LARGE1: variants seen among roughly 807,000 people sequenced by gnomAD.
The protein encoded by LARGE1 is LARGE xylosyl- and glucuronyltransferase 1.
LARGE1 carries 43 observed loss-of-function variants against 87.6 expected under a neutral mutation model. That is an observed-to-expected ratio of 0.49 (90% CI 0.38 to 0.63). LARGE1 has a LOEUF of 0.63. Ranked by LOEUF, LARGE1 falls within the 30% of genes least tolerant of loss-of-function variation. The pLI, the probability that LARGE1 is intolerant of heterozygous loss-of-function variation, is 0.00. For synonymous variants in LARGE1, 434 were observed against 394.6 expected (o/e 1.10, Z -1.18); for missense variants, 802 against 1,000.2 (o/e 0.80, Z 2.67).
intron 1 of LARGE1, among the ~76,000 whole-genome samples, chr22:33,853,167 G>A (rs2146523256): frequency 6.6e-6 from 1 of 152,270 alleles, no homozygotes; most frequent in South Asian, 2.1e-4. Flanking sequence ...GAGAGGTCTA[G>A]GAACTTGTCC....
At chr22:33,429,015 A>T (rs912495294) in intron 7 of LARGE1, among the ~76,000 whole-genome samples, 1 of 151,398 alleles carries the variant, frequency 6.6e-6, no homozygotes, top group Non-Finnish European at 1.5e-5. Context: ...GCATAAGAAG[A>T]CTAAATGACT....
chr22:33,671,290 G>C (rs2081404206), intron 2 of LARGE1, among the ~76,000 whole-genome samples: 1 of 152,198 alleles, frequency 6.6e-6, no homozygotes, highest in African/African-American at 2.4e-5. Context: ...CTATCATGCA[G>C]ATACCACACT....
chr22:33,141,907 A>AT, the LARGE1 span, among the ~76,000 whole-genome samples: 1 of 152,140 alleles, frequency 6.6e-6, no homozygotes, highest in Non-Finnish European at 1.5e-5. Flanking sequence ...CATATTCTAC[A>AT]TTTTTTATAT....
chr22:33,386,758 T>C (rs2065338474), intron 7 of LARGE1, among the ~76,000 whole-genome samples: 1 of 148,786 alleles, frequency 6.7e-6, no homozygotes, highest in African/African-American at 2.4e-5. Context: ...CAAGAGAATA[T>C]AGTGATGTAA....
At chr22:33,076,793 CTCTT>C in the LARGE1 span, among the ~76,000 whole-genome samples, 875 of 152,278 alleles carry the variant, frequency 5.7e-3, 16 homozygotes, top group East Asian at 0.083. Flanking sequence ...TTTTGAGAGA[CTCTT>C]TCTTCTTTAG....
intron 1 of LARGE1, among the ~76,000 whole-genome samples, chr22:33,861,352 G>A (rs937176099): frequency 2.0e-5 from 3 of 151,814 alleles, no homozygotes; most frequent in Non-Finnish European, 4.4e-5. Flanking sequence ...ACTGCAACTC[G>A]GCTAGCTGTT....
chr22:33,521,953 C>T (rs2071622165), intron 6 of LARGE1, among the ~76,000 whole-genome samples: 1 of 152,258 alleles, frequency 6.6e-6, no homozygotes, highest in Non-Finnish European at 1.5e-5. Context: ...AAAGGGAGAA[C>T]AGGCAAGTCA....
intron 6 of LARGE1, among the ~76,000 whole-genome samples, chr22:33,514,929 T>C (rs796376540): frequency 1.1e-4 from 16 of 152,252 alleles, no homozygotes; most frequent in African/African-American, 3.4e-4. Flanking sequence ...CACAGCACTG[T>C]GTGAACAGCA....
intron 2 of LARGE1, among the ~76,000 whole-genome samples, chr22:33,728,551 C>CA (rs57790780): frequency 0.032 from 1,196 of 37,414 alleles, 121 homozygotes; most frequent in Non-Finnish European, 0.064. Context: ...CCCCTACCAC[C>CA]AAAAAAAAAA....
intron 5 of LARGE1, among the ~76,000 whole-genome samples, chr22:33,602,296 C>T (rs183791408): frequency 1.2e-4 from 18 of 151,934 alleles, no homozygotes; most frequent in Middle Eastern, 3.4e-3. Flanking sequence ...TTCTTTTTTC[C>T]GTTTTTTTTT....
the LARGE1 span, among the ~76,000 whole-genome samples, chr22:33,127,171 G>A: frequency 2.9e-4 from 44 of 152,180 alleles, no homozygotes; most frequent in Admixed American, 1.2e-3. Flanking sequence ...ACGCATAGGA[G>A]CAAGTGAGGA....
At chr22:33,277,333 AG>A (rs747005811) in intron 13 of LARGE1, 78 bp from the exon 14 acceptor site, 97 of 1,362,066 alleles carry the variant, frequency 7.1e-5, no homozygotes, top group Non-Finnish European at 9.7e-5. Flanking sequence ...TGGAGGAAGA[AG>A]GGGTGTACAC....
chr22:33,882,521 G>A (rs535030383), intron 1 of LARGE1, among the ~76,000 whole-genome samples: 1 of 152,254 alleles, frequency 6.6e-6, no homozygotes, highest in South Asian at 2.1e-4. Context: ...TCAGCAGGGG[G>A]GCATTGTTAA....
At chr22:33,225,726 A>G (rs1249344412) in intron 11 of LARGE1, among the ~76,000 whole-genome samples, 1 of 151,996 alleles carries the variant, frequency 6.6e-6, no homozygotes, top group African/African-American at 2.4e-5. Flanking sequence ...TCCACCCTCA[A>G]CTAGGCCCCA....
intron 11 of LARGE1, among the ~76,000 whole-genome samples, chr22:33,308,717 A>G (rs962815825): frequency 7.2e-5 from 11 of 152,126 alleles, no homozygotes; most frequent in African/African-American, 2.7e-4. Flanking sequence ...CAAACCCCCG[A>G]AAAGCTACCT....
the LARGE1 span, among the ~76,000 whole-genome samples, chr22:33,120,370 CT>C: frequency 2.3e-4 from 19 of 83,654 alleles, no homozygotes; most frequent in Non-Finnish European, 9.2e-5. Flanking sequence ...TTCTTTCTTT[CT>C]TTCTTTCTTT....
At chr22:33,409,613 C>T (rs1244749059) in intron 7 of LARGE1, among the ~76,000 whole-genome samples, 3 of 151,862 alleles carry the variant, frequency 2.0e-5, no homozygotes, top group Admixed American at 1.3e-4. Flanking sequence ...AAAACGAAAT[C>T]CACTTGGGGA....
At chr22:33,337,494 C>T in intron 10 of LARGE1, 152 bp downstream of exon 10, 1 of 844,688 alleles carries the variant, frequency 1.2e-6, no homozygotes, top group Admixed American at 2.1e-5. Flanking sequence ...ATGTACCTCT[C>T]TCCCCGACTA....
intron 6 of LARGE1, among the ~76,000 whole-genome samples, chr22:33,522,853 C>A (rs909992476): frequency 5.3e-5 from 8 of 150,408 alleles, no homozygotes; most frequent in South Asian, 2.1e-4. Flanking sequence ...AAAAAAGAAA[C>A]AAAAATTAGC....
Sources: allele counts gnomAD v4.1 joint callset (sites outside exome capture counted in the v4.1 genomes callset), GRCh38; gene constraint gnomAD v4.1.1; transcripts MANE v1.5; gene names NCBI Gene and HGNC (gene_info 2026-07-23, HGNC 2026-07-21).